Variants in MOXD1 observed in about 807,000 individuals in gnomAD.
The protein encoded by MOXD1 is DBH-like monooxygenase protein 1.
In MOXD1, 62 loss-of-function variants were observed where a neutral mutation model predicts 66.6. The observed-to-expected ratio is 0.93, with a 90% CI of 0.76 to 1.15. The LOEUF is 1.15. Ranked by LOEUF, MOXD1 falls within the 50% of genes most tolerant of loss-of-function variation. The pLI is 0.00. For synonymous variants in MOXD1, 303 were observed against 281.9 expected (o/e 1.07, Z -0.75); for missense variants, 847 against 754.6 (o/e 1.12, Z -1.44).
chr6:132,365,076 T>TC (rs1434487245), intron 4 of MOXD1, among the ~76,000 whole-genome samples: 1 of 152,154 alleles, frequency 6.6e-6, no homozygotes, highest in African/African-American at 2.4e-5. Flanking sequence ...TTAAATAATA[T>TC]CAGTAACAAG....
At chr6:132,354,132 C>T (rs968450816) in intron 4 of MOXD1, among the ~76,000 whole-genome samples, 53 of 152,262 alleles carry the variant, frequency 3.5e-4, no homozygotes, top group African/African-American at 1.2e-3. Context: ...TAATAAGTAA[C>T]CTCCTGAATT....
intron 10 of MOXD1, among the ~76,000 whole-genome samples, chr6:132,310,825 A>G (rs1774811289): frequency 6.6e-6 from 1 of 152,258 alleles, no homozygotes; most frequent in South Asian, 2.1e-4. Context: ...AGAGGGGAGC[A>G]ACACACACCA....
intron 10 of MOXD1, among the ~76,000 whole-genome samples, chr6:132,310,365 G>T (rs1582562179): frequency 6.6e-6 from 1 of 152,170 alleles, no homozygotes; most frequent in African/African-American, 2.4e-5. Context: ...GCGAGTCTGT[G>T]GAGAAATAGG....
chr6:132,398,181 A>C (rs1043114469), intron 1 of MOXD1, among the ~76,000 whole-genome samples: 25 of 152,162 alleles, frequency 1.6e-4, no homozygotes, highest in African/African-American at 5.6e-4. Flanking sequence ...GTTTCACTTA[A>C]GTTAATGGCC....
rs1168409053 is a variant in MOXD1 at position 132,303,861 on chromosome 6, A to G, written c.1509-5906T>C. ...TATATATATATATATATATATATATATATATATATATATATATACATATAT... is the reference window on the plus strand; with the variant it reads ...TATATATATATATATATATATATATGTATATATATATATATATACATATAT... On this transcript the variant is annotated intron_variant, in intron 10 of 11. Transcript: ENST00000367963. Among the ~76,000 whole-genome samples the G allele has an allele frequency of 2.3e-3, 177 of 75,446 alleles. 2 individuals carry two copies. The highest frequency in any genetic ancestry group is 0.022 in the African/African-American group (160 of 7,426). 49.5% of individuals were successfully genotyped at this position (75,446 alleles called of 152,430 possible). A position where few individuals can be genotyped will look rare whatever the true frequency, so the allele number is the denominator to read the frequency against.
At chr6:132,303,835 G>GTATATATATATA (rs1158339059) in intron 10 of MOXD1, among the ~76,000 whole-genome samples, 17 of 47,542 alleles carry the variant, frequency 3.6e-4, no homozygotes, top group Non-Finnish European at 6.2e-4. Flanking sequence ...GTGTGTGTGT[G>GTATATATATATA]TATATATATA....
chr6:132,388,206 C>T, intron 1 of MOXD1, among the ~76,000 whole-genome samples: 1 of 151,406 alleles, frequency 6.6e-6, no homozygotes, highest in East Asian at 1.9e-4. Context: ...TAAGTGTTTT[C>T]AGTGTGTCAC....
intron 4 of MOXD1, among the ~76,000 whole-genome samples, chr6:132,371,607 G>C (rs1321540732): frequency 6.6e-6 from 1 of 152,134 alleles, no homozygotes; most frequent in African/African-American, 2.4e-5. Context: ...TCTTGAGGTT[G>C]ATAGGAAAAG....
At chr6:132,391,379 A>G (rs1163337612) in intron 1 of MOXD1, 1 of 152,178 alleles carries the variant, frequency 6.6e-6, no homozygotes, top group African/African-American at 2.4e-5. Context: ...AAAATTATCC[A>G]TTTGAAATTA....
At chr6:132,328,671 G>T in intron 4 of MOXD1, 77 bp from the exon 5 acceptor site, 1 of 1,332,750 alleles carries the variant, frequency 7.5e-7, no homozygotes, top group Non-Finnish European at 1.0e-6. Context: ...CGTGAAACTA[G>T]CATAAATTAC....
At chr6:132,318,431 A>C (rs371709752) in intron 9 of MOXD1, among the ~76,000 whole-genome samples, 2 of 152,090 alleles carry the variant, frequency 1.3e-5, no homozygotes, top group East Asian at 1.9e-4. Context: ...TTTAAACAAA[A>C]TTGAGCATCT....
At position 132,359,909 on chromosome 6, in the gene MOXD1, TG is replaced by T. The variant is rs1775983793; in HGVS notation, c.663+12698del. Among the ~76,000 whole-genome samples, 3 of 152,350 alleles carry T rather than the reference TG, an allele frequency of 2.0e-5. No individual in the cohort carries two copies. The South Asian group carries it at 6.2e-4, about 32-fold the overall frequency. On this transcript the variant is annotated intron_variant, in intron 4 of 11. Transcript: ENST00000367963. ...CAGTCCTCCCTTCAATATTACAAAA[TG>T]GGGACTTTGGTATGGTTAAGGTATT...
chr6:132,343,698 A>G (rs1335129291), intron 4 of MOXD1, among the ~76,000 whole-genome samples: 1 of 152,244 alleles, frequency 6.6e-6, no homozygotes, highest in African/African-American at 2.4e-5. Context: ...TCAGATTGGC[A>G]ATATTCACCT....
chr6:132,397,372 G>T (rs570630461), intron 1 of MOXD1, among the ~76,000 whole-genome samples: 1 of 152,286 alleles, frequency 6.6e-6, no homozygotes, highest in South Asian at 2.1e-4. Context: ...TCCTGGCATA[G>T]AATAGAACTG....
At chr6:132,313,525 A>C (rs1407703556) in intron 10 of MOXD1, among the ~76,000 whole-genome samples, 1 of 152,200 alleles carries the variant, frequency 6.6e-6, no homozygotes, top group African/African-American at 2.4e-5. Flanking sequence ...TTTAGGCACA[A>C]AAACTTGACC....
At chr6:132,312,126 T>C (rs1483463511) in intron 10 of MOXD1, among the ~76,000 whole-genome samples, 2 of 152,096 alleles carry the variant, frequency 1.3e-5, no homozygotes. Context: ...TTTTTTGTTT[T>C]TCCTTAAGAC....
rs370119297 is a variant in MOXD1, at chr6:132,372,599, G to C, written c.663+9C>G. On this transcript the variant is annotated intron_variant, in intron 4 of 11. Transcript: ENST00000367963. The stretch of plus-strand genomic sequence containing the variant: ...AAAATTAATTTTAGCCTATGAATGA[G>C]TCACATACCTTTATTACATGATGCT... 1 of 1,601,558 alleles carries C rather than the reference G, an allele frequency of 6.2e-7. No homozygotes were observed. The highest frequency in any genetic ancestry group is 8.6e-7 in the Non-Finnish European group (1 of 1,168,794).
chr6:132,356,525 A>T (rs977902693), intron 4 of MOXD1, among the ~76,000 whole-genome samples: 18 of 152,246 alleles, frequency 1.2e-4, no homozygotes, highest in African/African-American at 4.1e-4. Flanking sequence ...AATCTAGCGT[A>T]TAGGAATGAA....
chr6:132,381,445 A>T (rs1776506432), intron 1 of MOXD1, among the ~76,000 whole-genome samples: 1 of 152,172 alleles, frequency 6.6e-6, no homozygotes, highest in Admixed American at 6.5e-5. Flanking sequence ...GAAGTAAAAG[A>T]AGAGAAAAAG....
Sources: allele counts gnomAD v4.1 joint callset (sites outside exome capture counted in the v4.1 genomes callset), GRCh38; gene constraint gnomAD v4.1.1; transcripts MANE v1.5; gene names NCBI Gene and HGNC (gene_info 2026-07-23, HGNC 2026-07-21).